CBLB: variants seen among roughly 807,000 people sequenced by gnomAD.
CBLB encodes the protein E3 ubiquitin-protein ligase CBL-B.
Under a neutral mutation model 104.9 loss-of-function variants are expected in CBLB, and 31 were observed. The observed-to-expected ratio is 0.30, with a 90% CI of 0.22 to 0.40. The LOEUF (loss-of-function observed/expected upper bound fraction) is 0.40. CBLB is among the 10% of genes least tolerant of loss of function. The pLI is 1.00. For missense variants in CBLB, 1,062 were observed against 1,214.6 expected (o/e 0.87, Z 1.87); for synonymous variants, 440 against 422.6 (o/e 1.04, Z -0.51).
intron 9 of CBLB, among the ~76,000 whole-genome samples, chr3:105,730,508 GACCA>G (rs1347040893): frequency 6.6e-6 from 1 of 151,972 alleles, no homozygotes; most frequent in African/African-American, 2.4e-5. Flanking sequence ...ACTGCGTAAT[GACCA>G]ATGTGCAGAT....
At chr3:105,665,178 G>A (rs1199807200) in intron 18 of CBLB, among the ~76,000 whole-genome samples, 1 of 151,744 alleles carries the variant, frequency 6.6e-6, no homozygotes, top group African/African-American at 2.4e-5. Context: ...TGAGGCAGGT[G>A]GATCACCTGA....
At chr3:105,770,307 G>A (rs951880230) in intron 4 of CBLB, among the ~76,000 whole-genome samples, 1 of 152,102 alleles carries the variant, frequency 6.6e-6, no homozygotes, top group African/African-American at 2.4e-5. Context: ...TGCGAGAGGG[G>A]AAGAGTCTGC....
intron 17 of CBLB, among the ~76,000 whole-genome samples, chr3:105,678,131 T>TA (rs2065873991): frequency 6.6e-6 from 1 of 152,186 alleles, no homozygotes; most frequent in Non-Finnish European, 1.5e-5. Context: ...CCTAACCCCT[T>TA]AGCAGTTCTG....
chr3:105,846,768 G>C (rs2090309180), intron 3 of CBLB, among the ~76,000 whole-genome samples: 1 of 151,980 alleles, frequency 6.6e-6, no homozygotes, highest in South Asian at 2.1e-4. Flanking sequence ...ATGAGAAAAT[G>C]TGGTAATTGA....
intron 9 of CBLB, among the ~76,000 whole-genome samples, chr3:105,733,138 ACAAGGTCAGGAGATCG>A (rs1473091019): frequency 3.3e-5 from 5 of 152,124 alleles, no homozygotes; most frequent in Admixed American, 1.3e-4. Context: ...CAGGTGGATC[ACAAGGTCAGGAGATCG>A]AGACCATCCT....
At chr3:105,695,946 G>A (rs1004917154) in intron 12 of CBLB, among the ~76,000 whole-genome samples, 1 of 151,624 alleles carries the variant, frequency 6.6e-6, no homozygotes, top group Non-Finnish European at 1.5e-5. Context: ...ATTAATGGAA[G>A]TATTAACTAG....
At chr3:105,863,830 G>A (rs1286724545) in intron 2 of CBLB, among the ~76,000 whole-genome samples, 1 of 152,086 alleles carries the variant, frequency 6.6e-6, no homozygotes, top group Non-Finnish European at 1.5e-5. Context: ...ATTTGAGGCA[G>A]GTACTCAGAG....
intron 9 of CBLB, among the ~76,000 whole-genome samples, chr3:105,723,244 A>G (rs1488782143): frequency 6.6e-6 from 1 of 152,178 alleles, no homozygotes; most frequent in African/African-American, 2.4e-5. Flanking sequence ...AATAATTAAA[A>G]TAATGTTTCT....
At chr3:105,858,285 A>G (rs1263325434) in intron 2 of CBLB, among the ~76,000 whole-genome samples, 1 of 152,158 alleles carries the variant, frequency 6.6e-6, no homozygotes, top group Non-Finnish European at 1.5e-5. Context: ...ATAACCCTAC[A>G]TCAGGACTAT....
At chr3:105,754,856 C>A (rs2076937863) in intron 4 of CBLB, among the ~76,000 whole-genome samples, 1 of 152,048 alleles carries the variant, frequency 6.6e-6, no homozygotes, top group Non-Finnish European at 1.5e-5. Context: ...CTATTAATGA[C>A]TTTTTGTTAA....
At chr3:105,757,770 A>C (rs1375988477) in intron 4 of CBLB, among the ~76,000 whole-genome samples, 1 of 152,222 alleles carries the variant, frequency 6.6e-6, no homozygotes, top group East Asian at 1.9e-4. Flanking sequence ...TTGCTGTGGT[A>C]TTAGTGGTGG....
At chr3:105,781,634 T>A (rs1479880982) in intron 3 of CBLB, among the ~76,000 whole-genome samples, 2 of 152,192 alleles carry the variant, frequency 1.3e-5, no homozygotes, top group Non-Finnish European at 2.9e-5. Flanking sequence ...AAGAATGTAA[T>A]CTAATTAGAT....
At chr3:105,851,794 T>C (rs1300601872) in intron 3 of CBLB, among the ~76,000 whole-genome samples, 2 of 152,244 alleles carry the variant, frequency 1.3e-5, no homozygotes, top group Non-Finnish European at 1.5e-5. Context: ...AACCCCGTAA[T>C]GACATTTCAG....
chr3:105,827,660 C>A (rs570266339), intron 3 of CBLB, among the ~76,000 whole-genome samples: 3 of 152,004 alleles, frequency 2.0e-5, no homozygotes, highest in African/African-American at 4.8e-5. Flanking sequence ...GAAAGGGAGG[C>A]AAAGCAGACA....
chr3:105,809,629 T>C lies in CBLB; in HGVS notation c.420-33087A>G, dbSNP rs1396087408. On this transcript the variant is annotated intron_variant, in intron 3 of 18. Transcript: ENST00000394030. ...GCTTTATGCTTACTCTTTTTTATGA[T>C]TGGTGGAGTCATAAACTCAAAGTCT... Among the ~76,000 whole-genome samples the C allele has an allele frequency of 2.6e-5, 4 of 152,312 alleles. No individual in the cohort carries two copies. In the Middle Eastern group the frequency reaches 0.01, roughly 389 times the overall value.
At chr3:105,666,132 G>A (rs1372242626) in intron 18 of CBLB, among the ~76,000 whole-genome samples, 1 of 152,004 alleles carries the variant, frequency 6.6e-6, no homozygotes, top group Non-Finnish European at 1.5e-5. Context: ...AAATAATATT[G>A]TATATATTAT....
chr3:105,713,563 T>G (rs1484550983), intron 10 of CBLB, among the ~76,000 whole-genome samples: 1 of 152,190 alleles, frequency 6.6e-6, no homozygotes, highest in Non-Finnish European at 1.5e-5. Context: ...TAATATACTA[T>G]GTATTCAAGT....
chr3:105,779,830 C>T (rs1357978135), intron 3 of CBLB, among the ~76,000 whole-genome samples: 1 of 151,922 alleles, frequency 6.6e-6, no homozygotes, highest in Non-Finnish European at 1.5e-5. Flanking sequence ...TTTCTTTATT[C>T]CCCATCCCAC....
intron 3 of CBLB, among the ~76,000 whole-genome samples, chr3:105,820,183 T>C (rs960101949): frequency 6.6e-6 from 1 of 152,114 alleles, no homozygotes; most frequent in Non-Finnish European, 1.5e-5. Flanking sequence ...CAGTTCACAA[T>C]AGGGTTCACA....
Sources: gnomAD v4.1 joint callset for allele counts (sites outside exome capture counted in the v4.1 genomes callset) on GRCh38, gnomAD v4.1.1 for gene constraint, MANE v1.5 for transcripts, NCBI Gene and HGNC (gene_info 2026-07-23, HGNC 2026-07-21) for gene names.